The following CSMD2 variants were observed in gnomAD, a reference collection of about 807,000 sequenced individuals.
The protein encoded by CSMD2 is CUB and sushi domain-containing protein 2.
In CSMD2, 130 loss-of-function variants were observed where a neutral mutation model predicts 398.5. That is an observed-to-expected ratio of 0.33 (90% confidence interval 0.28 to 0.38). The LOEUF is 0.38. Ranked by LOEUF, CSMD2 falls within the 10% of genes least tolerant of loss-of-function variation. The probability of loss-of-function intolerance (pLI) is 1.00; values close to 1 mark genes in which losing one functional copy is unlikely to be tolerated. For synonymous variants in CSMD2, 1,828 were observed against 1,908.5 expected (o/e 0.96, Z 1.10); for missense variants, 3,829 against 4,764.9 (o/e 0.80, Z 5.78).
chr1:34,156,433 C>G (rs914925238), intron 1 of CSMD2, among the ~76,000 whole-genome samples: 4 of 152,210 alleles, frequency 2.6e-5, no homozygotes, highest in African/African-American at 9.6e-5. Flanking sequence ...TGCACATTCT[C>G]TCATAATATA....
intron 6 of CSMD2, among the ~76,000 whole-genome samples, chr1:33,842,047 C>T (rs947600512): frequency 6.6e-6 from 1 of 152,160 alleles, no homozygotes; most frequent in African/African-American, 2.4e-5. Flanking sequence ...GACATCCCAA[C>T]ATTACCCAGA....
chr1:33,714,132 C>T (rs1339473695), intron 21 of CSMD2, among the ~76,000 whole-genome samples: 2 of 152,156 alleles, frequency 1.3e-5, no homozygotes, highest in East Asian at 3.9e-4. Flanking sequence ...GAGTGAGCAC[C>T]GCCATTGGAT....
At chr1:34,100,226 C>T (rs1659814739) in intron 1 of CSMD2, among the ~76,000 whole-genome samples, 1 of 152,138 alleles carries the variant, frequency 6.6e-6, no homozygotes, top group African/African-American at 2.4e-5. Flanking sequence ...TAGATATGCA[C>T]ATACGCAATG....
At chr1:34,124,462 A>T (rs938822799) in intron 1 of CSMD2, among the ~76,000 whole-genome samples, 2 of 152,186 alleles carry the variant, frequency 1.3e-5, no homozygotes, top group African/African-American at 4.8e-5. Context: ...CCAAGGGTCC[A>T]CTGCTCATGC....
intron 1 of CSMD2, among the ~76,000 whole-genome samples, chr1:34,116,194 G>A (rs1256353308): frequency 1.3e-5 from 2 of 151,992 alleles, no homozygotes; most frequent in African/African-American, 4.8e-5. Context: ...CTAACTATAT[G>A]CTGTCTACAA....
chr1:34,057,147 ACTGTGCC>A (rs1191335390), intron 2 of CSMD2, among the ~76,000 whole-genome samples: 2 of 152,058 alleles, frequency 1.3e-5, no homozygotes, highest in African/African-American at 2.4e-5. Context: ...AGCACTGCTG[ACTGTGCC>A]CTGTGGCTGC....
At chr1:33,861,632 T>G (rs973201860) in intron 5 of CSMD2, among the ~76,000 whole-genome samples, 2 of 152,198 alleles carry the variant, frequency 1.3e-5, no homozygotes, top group Non-Finnish European at 2.9e-5. Context: ...GGTGAAAGGC[T>G]AAAACCATGG....
intron 21 of CSMD2, among the ~76,000 whole-genome samples, chr1:33,710,169 G>C (rs528028406): frequency 1.3e-5 from 2 of 152,300 alleles, no homozygotes; most frequent in Non-Finnish European, 2.9e-5. Context: ...CACACAGTGC[G>C]TAGGCAGGGC....
chr1:33,541,484 T>A lies in CSMD2; in HGVS notation c.9278-175A>T, dbSNP rs535666247. On this transcript the variant is annotated intron_variant, in intron 58 of 70. Coordinates refer to ENST00000373381, the MANE Select transcript of CSMD2 (RefSeq NM_001281956.2). Reference sequence around the variant, plus strand: ...TACCCATTCTAAATTTCTTTTTTTTTAAGTCAGGGTCTTACTCTGTCACCC... The same window carrying A: ...TACCCATTCTAAATTTCTTTTTTTTAAAGTCAGGGTCTTACTCTGTCACCC... Among the ~76,000 whole-genome samples, 51 of 152,296 alleles carry A rather than the reference T, an allele frequency of 3.3e-4. No homozygotes were observed. The South Asian group carries it at 9.9e-3, about 30-fold the overall frequency.
intron 1 of CSMD2, among the ~76,000 whole-genome samples, chr1:34,161,646 G>A (rs1641337830): frequency 6.6e-6 from 1 of 152,204 alleles, no homozygotes; most frequent in African/African-American, 2.4e-5. Context: ...AATTGAGGTG[G>A]TCATTGGTGC....
At chr1:34,117,926 C>T (rs1661772394) in intron 1 of CSMD2, among the ~76,000 whole-genome samples, 1 of 152,116 alleles carries the variant, frequency 6.6e-6, no homozygotes, top group African/African-American at 2.4e-5. Flanking sequence ...AGAAAAAACA[C>T]TCAGCCAGGC....
At chr1:34,056,501 C>G (rs904690223) in intron 2 of CSMD2, among the ~76,000 whole-genome samples, 2 of 152,168 alleles carry the variant, frequency 1.3e-5, no homozygotes, top group African/African-American at 4.8e-5. Context: ...TGTTTTGCAT[C>G]CTGGCTCAGC....
chr1:33,613,103 C>T (rs1425465568), intron 40 of CSMD2, among the ~76,000 whole-genome samples: 4 of 152,068 alleles, frequency 2.6e-5, no homozygotes, highest in Non-Finnish European at 5.9e-5. Context: ...GCTCTTTACA[C>T]GCTGAGACCA....
chr1:33,745,543 A>G (rs999075438), intron 13 of CSMD2, among the ~76,000 whole-genome samples: 6 of 152,314 alleles, frequency 3.9e-5, no homozygotes, highest in Non-Finnish European at 7.4e-5. Context: ...GGAAAACATT[A>G]AAACAAAAAA....
intron 1 of CSMD2, among the ~76,000 whole-genome samples, chr1:34,158,255 G>C (rs1307704187): frequency 6.6e-6 from 1 of 152,164 alleles, no homozygotes; most frequent in East Asian, 1.9e-4. Context: ...CCTTCTCAAA[G>C]CGAGTGAACC....
In CSMD2 at chr1:33,772,686, A is replaced by G. The variant is rs1651450898; in HGVS notation, c.1729T>C (p.Phe577Leu). The G allele has an allele frequency of 6.8e-6, 11 of 1,614,120 alleles. No homozygotes were observed. Among genetic ancestry groups the G allele is most frequent in the Non-Finnish European group, 9.3e-6 (11 of 1,179,992 alleles). The change falls in exon 13 of 71, where the codon TTT (phenylalanine) becomes CTT (leucine). Residue 577 changes from phenylalanine (F) to leucine (L), a missense_variant. By Grantham distance (22) the Phe-to-Leu change is conservative. Coordinates refer to ENST00000373381, the MANE Select transcript of CSMD2 (RefSeq NM_001281956.2). ...AACTTGAGTGTGTCACCGTGGTGAA[A>G]CCGGGAGCCTTCCCTCCGGCCATAT... Reference protein sequence around the residue: ...PAYGRREGSRFHHGDTLKFEC... With the variant: ...PAYGRREGSRLHHGDTLKFEC...
At chr1:33,829,113 C>T (rs1482634145) in intron 6 of CSMD2, among the ~76,000 whole-genome samples, 1 of 152,166 alleles carries the variant, frequency 6.6e-6, no homozygotes, top group Non-Finnish European at 1.5e-5. Flanking sequence ...CAGGTAGAGT[C>T]TTTGTCCTCA....
At chr1:33,927,069 C>A (rs1644152136) in intron 4 of CSMD2, among the ~76,000 whole-genome samples, 1 of 152,166 alleles carries the variant, frequency 6.6e-6, no homozygotes, top group Admixed American at 6.5e-5. Flanking sequence ...TGCCAACAGG[C>A]CCCAAAGGAG....
At chr1:33,669,341 G>T (rs751577821) in intron 25 of CSMD2, among the ~76,000 whole-genome samples, 2 of 152,188 alleles carry the variant, frequency 1.3e-5, no homozygotes, top group Non-Finnish European at 2.9e-5. Flanking sequence ...AAGAGGAATC[G>T]AAAGAGTAAC....
Sources: allele counts gnomAD v4.1 joint callset (sites outside exome capture counted in the v4.1 genomes callset), GRCh38; gene constraint gnomAD v4.1.1; transcripts MANE v1.5; gene names NCBI Gene and HGNC (gene_info 2026-07-23, HGNC 2026-07-21).